MAG: variants seen among roughly 807,000 people sequenced by gnomAD.
MAG encodes myelin associated glycoprotein.
MAG carries 30 observed loss-of-function variants against 60.7 expected under a neutral mutation model. The ratio of observed to expected loss-of-function variants is 0.49; its 90% CI spans 0.37 to 0.67. MAG has a LOEUF of 0.67. Among genes scored for constraint, MAG ranks in the 30% least tolerant of loss-of-function variants. The pLI is 0.00. For missense variants in MAG, 795 were observed against 851.7 expected (o/e 0.93, Z 0.83); for synonymous variants, 384 against 376.8 (o/e 1.02, Z -0.22).
At position 35,313,526 on chromosome 19, in the gene MAG, C is replaced by T. The variant is rs1182411854; in HGVS notation, c.*72C>T. ...CTGGCCCCCACTGGCTGTGGGCTCCCTTCCTCCCAAAAGTATCGGGGGCTG... is the reference window on the plus strand; with the variant it reads ...CTGGCCCCCACTGGCTGTGGGCTCCTTTCCTCCCAAAAGTATCGGGGGCTG... On this transcript the variant is annotated 3_prime_UTR_variant, in exon 11 of 11. Coordinates refer to ENST00000392213, the MANE Select transcript of MAG (RefSeq NM_002361.4). The T allele has an allele frequency of 6.9e-7, 1 of 1,455,726 alleles. No homozygotes were observed. Among genetic ancestry groups the T allele is most frequent in the South Asian group, 1.3e-5 (1 of 74,766 alleles). 90.2% of individuals were successfully genotyped at this position (1,455,726 alleles called of 1,614,324 possible). A position where few individuals can be genotyped will look rare whatever the true frequency, so the allele number is the denominator to read the frequency against.
At chr19:35,302,339 C>T (rs548926548) in intron 6 of MAG, 109 bp from the exon 7 acceptor site, 341 of 1,338,724 alleles carry the variant, frequency 2.5e-4, no homozygotes, top group Non-Finnish European at 3.2e-4. Context: ...CTTCCTGAAC[C>T]GGTGTGCTAG....
rs1056782926 is a variant in MAG, at chr19:35,293,656, C to T, written c.-79-579C>T. Reference sequence around the variant, plus strand: ...GCAGGGTGCCAGGGGCTCGCTAGCCCCCACCCTGGGCCTTCCTGGCCCTGC... The same window carrying T: ...GCAGGGTGCCAGGGGCTCGCTAGCCTCCACCCTGGGCCTTCCTGGCCCTGC... On this transcript the variant is annotated intron_variant, in intron 1 of 10. Transcript: ENST00000392213. The surrounding 1 kb of genome is among the most constrained non-coding windows in gnomAD (Gnocchi z 4.0). Among the ~76,000 whole-genome samples the T allele has an allele frequency of 4.6e-5, 7 of 152,076 alleles. No individual in the cohort carries two copies. The highest frequency in any genetic ancestry group is 1.7e-4 in the African/African-American group (7 of 41,404).
At chr19:35,310,838 C>T (rs1264136722) in intron 9 of MAG, among the ~76,000 whole-genome samples, 195 bp downstream of exon 9, 1 of 152,218 alleles carries the variant, frequency 6.6e-6, no homozygotes, top group Non-Finnish European at 1.5e-5. Context: ...AGGGGCACAC[C>T]AGGGCCTGGG....
chr19:35,296,036 G>T, intron 4 of MAG, 55 bp downstream of exon 4: 1 of 1,520,052 alleles, frequency 6.6e-7, no homozygotes, highest in South Asian at 1.3e-5. Flanking sequence ...GGGCGGGAAG[G>T]AGTGTGGCCG....
rs773846748 is a variant in MAG, at chr19:35,309,893, G to A, written c.1251G>A (p.Leu417=). The A allele has an allele frequency of 2.5e-6, 4 of 1,611,982 alleles. No individual in the cohort carries two copies. The highest frequency in any genetic ancestry group is 3.4e-6 in the Non-Finnish European group (4 of 1,179,614). Residue 417 remains leucine (L), a synonymous_variant, in exon 8 of 11, where the codon CTG becomes CTA. Transcript: ENST00000392213. ...CTGCAGTCGCCCCTGTGCTCCTCCT[G>A]GAGTCCCACTGCGCGGCAGCCCGAG... The part of the protein sequence containing the change: ...LSVEFAPVLL[L]ESHCAAARDT...
chr19:35,311,113 C>A (rs1338079599), intron 9 of MAG, among the ~76,000 whole-genome samples: 1 of 152,156 alleles, frequency 6.6e-6, no homozygotes, highest in Non-Finnish European at 1.5e-5. Flanking sequence ...GGAAGGATTG[C>A]TTGAGGCCAG....
intron 2 of MAG, among the ~76,000 whole-genome samples, chr19:35,294,556 A>G (rs2145603225): frequency 6.6e-6 from 1 of 152,378 alleles, no homozygotes; most frequent in South Asian, 2.1e-4. Context: ...CCAATGAGTT[A>G]AGACAGCAGA....
chr19:35,304,191 C>T (rs377722613), intron 7 of MAG, among the ~76,000 whole-genome samples: 1 of 152,142 alleles, frequency 6.6e-6, no homozygotes, highest in African/African-American at 2.4e-5. Flanking sequence ...AGGCACTTTC[C>T]CTCCTGGTTC....
chr19:35,294,984 G>A (rs976498241), intron 2 of MAG, among the ~76,000 whole-genome samples: 2 of 152,068 alleles, frequency 1.3e-5, no homozygotes, highest in Non-Finnish European at 2.9e-5. Flanking sequence ...GACCAGGCAT[G>A]GTGATTTACA....
Position 35,295,544 on chromosome 19 carries a change from G to T in MAG, c.47-69G>T. 1.2e-6 allele frequency: 2 copies of T among 1,603,238 alleles called. No individual in the cohort carries two copies. The highest frequency in any genetic ancestry group is 8.5e-7 in the Non-Finnish European group (1 of 1,174,704). On this transcript the variant is annotated intron_variant, in intron 3 of 10. Transcript: ENST00000392213. This position sits in a 1 kb window ranked among gnomAD's most constrained non-coding sequence, Gnocchi z 5.8. ...CCGCAGCCCCCCGGCATGTGGTTGG[G>T]GATGGGAGCCGGAGGGGGTGATCGG...
intron 7 of MAG, among the ~76,000 whole-genome samples, chr19:35,304,971 C>T (rs914233140): frequency 2.0e-5 from 3 of 152,158 alleles, no homozygotes; most frequent in Middle Eastern, 3.2e-3. Context: ...GGTCCGAGCC[C>T]GATAATTCCA....
chr19:35,302,983 G>T (rs2066460098), intron 7 of MAG, among the ~76,000 whole-genome samples: 1 of 148,818 alleles, frequency 6.7e-6, no homozygotes, highest in Admixed American at 6.8e-5. Flanking sequence ...GAGTGCAGTG[G>T]CAGGATCTCG....
At chr19:35,294,493 C>T (rs1599646332) in intron 2 of MAG, among the ~76,000 whole-genome samples, 2 of 152,356 alleles carry the variant, frequency 1.3e-5, no homozygotes, top group South Asian at 2.1e-4. Flanking sequence ...AGTCACTTAA[C>T]CTCTCTGGAC....
intron 9 of MAG, among the ~76,000 whole-genome samples, chr19:35,311,302 CA>C (rs1240015739): frequency 1.3e-5 from 2 of 151,658 alleles, no homozygotes; most frequent in African/African-American, 4.8e-5. Flanking sequence ...ACCCCATCTA[CA>C]AAAAAACAAA....
intron 4 of MAG, 148 bp downstream of exon 4, chr19:35,296,129 GC>G: frequency 9.2e-7 from 1 of 1,088,756 alleles, no homozygotes; most frequent in Non-Finnish European, 1.3e-6. Context: ...AAACCTCAAG[GC>G]CCACGCAGAC....
chr19:35,299,838 A>C lies in MAG; in HGVS notation c.700A>C (p.Met234Leu), dbSNP rs986211415. ...TTLQFEGYAS[M>L]DVKYPPVIVE... ...CCTGCAGTTCGAGGGCTACGCCAGC[A>C]TGGACGTCAAGTGTGAGCCTGGGTG... The change falls in exon 5 of 11, where the codon ATG becomes CTG. Residue 234 changes from methionine (M) to leucine (L), a missense_variant. Met to Leu is a conservative substitution (Grantham distance 15). Coordinates refer to ENST00000392213, the MANE Select transcript of MAG (RefSeq NM_002361.4). 4 of 1,377,856 alleles carry C rather than the reference A, an allele frequency of 2.9e-6. No homozygotes were observed. In the South Asian group the frequency reaches 5.2e-5, roughly 18 times the overall value. 85.4% of individuals were successfully genotyped at this position (1,377,856 alleles called of 1,614,324 possible).
At position 35,295,896 on chromosome 19, in the gene MAG, G is replaced by T. The variant is rs1599647313; in HGVS notation, c.330G>T (p.Glu110Asp). ...TCCTGCTCAGCAACGTCAGCCCCGA[G>T]CTGGGCGGGAAGTACTACTTCCGTG... is the stretch of plus-strand genomic sequence containing the variant. ...CTLLLSNVSP[E>D]LGGKYYFRGD... Residue 110 changes from glutamate to aspartate, a missense_variant, in exon 4 of 11, where the codon GAG becomes GAT. Physicochemically the swap from Glu to Asp is conservative, Grantham distance 45. Coordinates refer to ENST00000392213, the MANE Select transcript of MAG (RefSeq NM_002361.4). This position sits in a 1 kb window ranked among gnomAD's most constrained non-coding sequence, Gnocchi z 5.8. 5.6e-6 allele frequency: 9 copies of T among 1,614,090 alleles called. No homozygotes were observed. The highest frequency in any genetic ancestry group is 7.6e-6 in the Non-Finnish European group (9 of 1,180,022).
chr19:35,305,227 C>A (rs2066475442), intron 7 of MAG, among the ~76,000 whole-genome samples: 1 of 152,158 alleles, frequency 6.6e-6, no homozygotes, highest in South Asian at 2.1e-4. Context: ...CCTCAGGCCC[C>A]CTCCCTCTCC....
intron 7 of MAG, among the ~76,000 whole-genome samples, chr19:35,309,061 T>A (rs1599657772): frequency 6.6e-6 from 1 of 152,086 alleles, no homozygotes; most frequent in South Asian, 2.1e-4. Flanking sequence ...ATGATCTGAT[T>A]TATGTATTAC....
Sources: gnomAD v4.1 joint callset for allele counts (sites outside exome capture counted in the v4.1 genomes callset) on GRCh38, gnomAD v4.1.1 for gene constraint, Gnocchi (gnomAD v3.1) non-coding constraint, MANE v1.5 for transcripts, NCBI Gene and HGNC (gene_info 2026-07-23, HGNC 2026-07-21) for gene names.